Variants in DMXL2 observed in about 807,000 individuals in gnomAD.
DMXL2 encodes Dmx like 2.
Under a neutral mutation model 331.1 loss-of-function variants are expected in DMXL2, and 103 were observed. The observed-to-expected ratio is 0.31, with a 90% CI of 0.27 to 0.37. The LOEUF is 0.37. Among genes scored for constraint, DMXL2 ranks in the 10% least tolerant of loss-of-function variants. The pLI is 1.00. For missense variants in DMXL2, 3,171 were observed against 3,642.9 expected (o/e 0.87, Z 3.33); for synonymous variants, 1,281 against 1,252.1 (o/e 1.02, Z -0.49).
intron 29 of DMXL2, among the ~76,000 whole-genome samples, chr15:51,467,855 T>C (rs1238962584): frequency 6.6e-6 from 1 of 151,918 alleles, no homozygotes; most frequent in Non-Finnish European, 1.5e-5. Context: ...GCCTCCCGAG[T>C]AGCTGGGACT....
intron 41 of DMXL2, among the ~76,000 whole-genome samples, chr15:51,451,961 G>C (rs982056815): frequency 2.6e-5 from 4 of 152,078 alleles, no homozygotes; most frequent in Admixed American, 2.0e-4. Flanking sequence ...ATGACTTCCT[G>C]AGTATAAGGA....
intron 1 of DMXL2, among the ~76,000 whole-genome samples, chr15:51,617,755 T>G (rs2141450153): frequency 6.6e-6 from 1 of 152,342 alleles, no homozygotes; most frequent in African/African-American, 2.4e-5. Context: ...CATGTTTAAG[T>G]GATTTCACCA....
intron 28 of DMXL2, among the ~76,000 whole-genome samples, chr15:51,474,077 G>A (rs1339989532): frequency 6.9e-6 from 1 of 144,596 alleles, no homozygotes; most frequent in Non-Finnish European, 1.5e-5. Flanking sequence ...CATTTTTTCT[G>A]TATTTACCTT....
Position 51,450,241 on chromosome 15 carries a change from C to T in DMXL2, c.8855G>A (p.Arg2952Lys), listed in dbSNP as rs769191267. 6.2e-7 allele frequency: 1 copy of T among 1,614,040 alleles called. No homozygotes were observed. The highest frequency in any genetic ancestry group is 1.1e-5 in the South Asian group (1 of 91,064). The part of the protein sequence containing the change: ...RKGHVCIFDI[R>K]QRQLIHTFQA... The stretch of plus-strand genomic sequence containing the variant: ...GAACGTGTGAATGAGCTGCCTTTGC[C>T]TGATGTCAAAAATGCAGACGTGTCC... The change falls in exon 43 of 44, where the codon AGG becomes AAG. Residue 2952 changes from arginine to lysine, a missense_variant. Coordinates refer to ENST00000560891, the MANE Select transcript of DMXL2 (RefSeq NM_001378457.1).
chr15:51,566,428 A>G (rs2050296386), intron 3 of DMXL2, among the ~76,000 whole-genome samples: 1 of 152,224 alleles, frequency 6.6e-6, no homozygotes. Flanking sequence ...ATTTTAGTGT[A>G]GTAATTAAAT....
In DMXL2 at chr15:51,588,114, T is replaced by C. The variant is rs941466928; in HGVS notation, c.88-11933A>G. Among the ~76,000 whole-genome samples the C allele has an allele frequency of 3.3e-5, 5 of 152,010 alleles. 1 individual carries two copies. In the South Asian group the frequency reaches 6.2e-4, roughly 19 times the overall value. ...GTTGCAGAATTTTTTTCCCATTCTG[T>C]AGGTCGCCTGTTCACTCTGATGGTG... On this transcript the variant is annotated intron_variant, in intron 1 of 43. Transcript: ENST00000560891.
chr15:51,596,336 G>T, intron 1 of DMXL2, among the ~76,000 whole-genome samples: 1 of 152,090 alleles, frequency 6.6e-6, no homozygotes, highest in Non-Finnish European at 1.5e-5. Flanking sequence ...ATCATCACTG[G>T]TCATCAGAGA....
At position 51,537,658 on chromosome 15, in the gene DMXL2, G is replaced by C; in HGVS notation, c.1447C>G (p.Pro483Ala). 6.2e-7 allele frequency: 1 copy of C among 1,613,868 alleles called. No homozygotes were observed. Residue 483 changes from proline to alanine, a missense_variant, in exon 11 of 44, where the codon CCA becomes GCA. Around this residue, in one of 7 missense-constraint regions of DMXL2, gnomAD observed 1,674 missense variants for 1,780.2 expected, o/e 0.94. Coordinates refer to ENST00000560891, the MANE Select transcript of DMXL2 (RefSeq NM_001378457.1). The stretch of plus-strand genomic sequence containing the variant: ...AGCAGAACCGTAGGCAGTGGCATTG[G>C]TACACTAAGTCGTGAGTAAGTTCTA... Reference protein sequence around the residue: ...SPRTYSRLSVPMPLPTVLLDR... With the variant: ...SPRTYSRLSVAMPLPTVLLDR...
intron 33 of DMXL2, among the ~76,000 whole-genome samples, chr15:51,461,656 TCCTCCTG>T (rs2040135839): frequency 6.6e-6 from 1 of 152,024 alleles, no homozygotes; most frequent in Non-Finnish European, 1.5e-5. Context: ...GCTCAAGCAA[TCCTCCTG>T]CCTCAGCCCT....
chr15:51,547,472 T>C (rs995712655), intron 6 of DMXL2, 64 bp from the exon 7 acceptor site: 1 of 1,218,910 alleles, frequency 8.2e-7, no homozygotes, highest in Non-Finnish European at 1.1e-6. Flanking sequence ...TTTAAGTGGT[T>C]TGAAGAAGTT....
chr15:51,551,403 A>G lies in DMXL2; in HGVS notation c.568-3995T>C, dbSNP rs62015962. ...AAATAAAATTTTTGTGGAAATTTTA[A>G]CAGTTCATATGTCTCTTTCAGGGAA... On this transcript the variant is annotated intron_variant, in intron 6 of 43. Coordinates refer to ENST00000560891, the MANE Select transcript of DMXL2 (RefSeq NM_001378457.1). Among the ~76,000 whole-genome samples the G allele has an allele frequency of 9.3e-3, 1,421 of 152,310 alleles. 13 individuals are homozygous for G. Among genetic ancestry groups the G allele is most frequent in the Non-Finnish European group, 1.0e-2 (680 of 68,010 alleles).
chr15:51,559,735 C>CA (rs1271219403), intron 6 of DMXL2, among the ~76,000 whole-genome samples: 3 of 150,976 alleles, frequency 2.0e-5, no homozygotes, highest in Admixed American at 6.6e-5. Flanking sequence ...AAACAAAAAG[C>CA]AAAAAAAACT....
At chr15:51,588,722 T>C (rs1077361) in intron 1 of DMXL2, among the ~76,000 whole-genome samples, 40 of 151,966 alleles carry the variant, frequency 2.6e-4, no homozygotes, top group African/African-American at 9.4e-4. Context: ...ATTGTGATTA[T>C]ACTATTAAAC....
At chr15:51,478,686 A>C (rs1221106652) in intron 25 of DMXL2, among the ~76,000 whole-genome samples, 1 of 152,212 alleles carries the variant, frequency 6.6e-6, no homozygotes, top group African/African-American at 2.4e-5. Context: ...AAAAAAAAGC[A>C]GAAGAAAATA....
chr15:51,506,624 T>G (rs1333914619), intron 16 of DMXL2, among the ~76,000 whole-genome samples: 1 of 152,058 alleles, frequency 6.6e-6, no homozygotes, highest in African/African-American at 2.4e-5. Flanking sequence ...CGGCTAATTT[T>G]TTGTATTTTT....
chr15:51,472,730 A>G (rs1023782855), intron 28 of DMXL2, among the ~76,000 whole-genome samples: 1 of 152,212 alleles, frequency 6.6e-6, no homozygotes. Context: ...GTAACACTCC[A>G]TTGCACGAAT....
At chr15:51,600,642 C>G (rs1338477169) in intron 1 of DMXL2, among the ~76,000 whole-genome samples, 1 of 152,168 alleles carries the variant, frequency 6.6e-6, no homozygotes, top group Admixed American at 6.5e-5. Flanking sequence ...CTCTGTAGCT[C>G]ACCTGACCAA....
At chr15:51,602,364 C>A (rs2053286483) in intron 1 of DMXL2, among the ~76,000 whole-genome samples, 1 of 152,112 alleles carries the variant, frequency 6.6e-6, no homozygotes, top group Admixed American at 6.5e-5. Flanking sequence ...GATATCACAG[C>A]CCCCAAATAA....
intron 1 of DMXL2, among the ~76,000 whole-genome samples, chr15:51,579,390 T>C (rs1015318930): frequency 2.0e-5 from 3 of 152,158 alleles, no homozygotes; most frequent in Non-Finnish European, 4.4e-5. Context: ...AAGGGACTCA[T>C]ATAATCAGTC....
Sources: gnomAD v4.1 joint callset for allele counts (sites outside exome capture counted in the v4.1 genomes callset) on GRCh38, gnomAD v4.1.1 for gene constraint, gnomAD v4.1.1 regional missense constraint, MANE v1.5 for transcripts, NCBI Gene and HGNC (gene_info 2026-07-23, HGNC 2026-07-21) for gene names.